Variants in DNAAF11 observed in about 807,000 individuals in gnomAD.
DNAAF11 encodes dynein axonemal assembly factor 11, also known as leucine rich repeat containing 6.
A neutral mutation model predicts 60.8 loss-of-function variants in DNAAF11; 45 were observed. The observed-to-expected ratio is 0.74, with a 90% CI of 0.58 to 0.95. The LOEUF (loss-of-function observed/expected upper bound fraction) is 0.95, where lower values mean the gene tolerates loss of function less well. DNAAF11 is among the 40% of genes least tolerant of loss of function. The pLI is 0.00. For synonymous variants in DNAAF11, 191 were observed against 183.5 expected, an observed-to-expected ratio of 1.04 and a Z score of -0.33; for missense variants, 546 against 546.2, an observed-to-expected ratio of 1.00 and a Z score of 0.00.
At chr8:132,687,982 A>G in the DNAAF11 span, among the ~76,000 whole-genome samples, 2 of 152,220 alleles carry the variant, frequency 1.3e-5, no homozygotes, top group Non-Finnish European at 2.9e-5. Flanking sequence ...CAATGAAGCA[A>G]TATAAAAATT....
chr8:132,654,149 T>A (rs187774135), intron 3 of DNAAF11, among the ~76,000 whole-genome samples: 2 of 152,120 alleles, frequency 1.3e-5, no homozygotes, highest in African/African-American at 4.8e-5. Context: ...CAAAATAGAC[T>A]TTAAGGCAAA....
chr8:132,693,100 G>T, the DNAAF11 span, among the ~76,000 whole-genome samples: 5 of 152,178 alleles, frequency 3.3e-5, 1 homozygote, highest in Non-Finnish European at 4.4e-5. Flanking sequence ...GCAGGTGGCT[G>T]CAGCAGCAGG....
In DNAAF11 at chr8:132,660,606, T is replaced by C. The variant is rs546615280; in HGVS notation, c.178+854A>G. Among the ~76,000 whole-genome samples the C allele has an allele frequency of 1.2e-4, 19 of 152,328 alleles. 1 individual carries two copies. The South Asian group carries it at 3.9e-3, about 32-fold the overall frequency. ...ACAGGCCTCCCTTCCCTCTTCCCTT[T>C]AATTCATCATTCTTCTGTGAGAGAA... On this transcript the variant is annotated intron_variant, in intron 2 of 11. Coordinates refer to ENST00000620350, the MANE Select transcript of DNAAF11 (RefSeq NM_012472.6).
At chr8:132,617,007 G>C (rs755766831) in intron 7 of DNAAF11, among the ~76,000 whole-genome samples, 1 of 152,180 alleles carries the variant, frequency 6.6e-6, no homozygotes, top group African/African-American at 2.4e-5. Flanking sequence ...GGAAAGGTAC[G>C]GTATATCTTG....
rs749093117 is a variant in DNAAF11, at chr8:132,675,468, G to C, written c.10+16C>G. On this transcript the variant is annotated intron_variant, in intron 1 of 11. Transcript: ENST00000620350. ...CAAGGGGAACGATCGAGGACGGAAG[G>C]TGGAGGGGGGCTTACTCCAGCCCAT... The C allele has an allele frequency of 3.2e-6, 5 of 1,564,388 alleles. No individual in the cohort carries two copies. Among genetic ancestry groups the C allele is most frequent in the Middle Eastern group, 1.7e-4 (1 of 5,878 alleles).
chr8:132,690,067 T>C, the DNAAF11 span, among the ~76,000 whole-genome samples: 77 of 152,352 alleles, frequency 5.1e-4, 1 homozygote, highest in East Asian at 0.014. Flanking sequence ...GTTACCTGCA[T>C]TATTTTTAAT....
intron 10 of DNAAF11, among the ~76,000 whole-genome samples, chr8:132,609,720 A>G (rs1365282054): frequency 6.6e-6 from 1 of 152,192 alleles, no homozygotes; most frequent in African/African-American, 2.4e-5. Flanking sequence ...GACAGAATTG[A>G]CACATCAGAA....
chr8:132,643,702 C>T (rs1024136536), intron 3 of DNAAF11: 1 of 456,108 alleles, frequency 2.2e-6, no homozygotes, highest in African/African-American at 2.0e-5. Flanking sequence ...ATAGGAATAT[C>T]AAGAAACAGC....
At chr8:132,639,580 T>C (rs1363782669) in intron 3 of DNAAF11, among the ~76,000 whole-genome samples, 1 of 152,212 alleles carries the variant, frequency 6.6e-6, no homozygotes, top group Non-Finnish European at 1.5e-5. Context: ...TTTCCTCAAT[T>C]CTGAAGGCTA....
At chr8:132,580,930 G>A (rs942900745) in intron 11 of DNAAF11, among the ~76,000 whole-genome samples, 8 of 152,198 alleles carry the variant, frequency 5.3e-5, no homozygotes, top group African/African-American at 1.9e-4. Context: ...TTTCCTACCA[G>A]TTATAAAACT....
chr8:132,668,666 T>C (rs180890649), intron 1 of DNAAF11, among the ~76,000 whole-genome samples: 550 of 152,064 alleles, frequency 3.6e-3, no homozygotes, highest in Non-Finnish European at 6.2e-3. Flanking sequence ...ATGGTCTCGA[T>C]CTCTTGACCT....
chr8:132,639,144 G>A (rs562370193), intron 3 of DNAAF11, among the ~76,000 whole-genome samples: 61 of 152,236 alleles, frequency 4.0e-4, no homozygotes, highest in Admixed American at 2.4e-3. Flanking sequence ...ATGACTTCTC[G>A]GACAATGTAC....
At chr8:132,687,743 C>T in the DNAAF11 span, 3 of 453,456 alleles carry the variant, frequency 6.6e-6, no homozygotes, top group Non-Finnish European at 1.3e-5. Flanking sequence ...ATCTGCCTGA[C>T]TCCAAAGCTC....
chr8:132,623,254 A>G (rs1819934133), intron 6 of DNAAF11, among the ~76,000 whole-genome samples: 1 of 152,176 alleles, frequency 6.6e-6, no homozygotes, highest in Non-Finnish European at 1.5e-5. Flanking sequence ...TTCATGCTAT[A>G]AAATATTTTG....
chr8:132,588,562 A>C (rs1424381172), intron 10 of DNAAF11, among the ~76,000 whole-genome samples: 2 of 149,058 alleles, frequency 1.3e-5, no homozygotes, highest in Admixed American at 1.3e-4. Flanking sequence ...AAGATATATA[A>C]ACAGTTAAAA....
At chr8:132,683,700 C>T in the DNAAF11 span, among the ~76,000 whole-genome samples, 2 of 152,154 alleles carry the variant, frequency 1.3e-5, no homozygotes, top group African/African-American at 4.8e-5. Flanking sequence ...AATCTTGCTG[C>T]TATTGATAGT....
At chr8:132,648,118 C>T (rs970189786) in intron 3 of DNAAF11, among the ~76,000 whole-genome samples, 2 of 152,176 alleles carry the variant, frequency 1.3e-5, no homozygotes, top group Non-Finnish European at 2.9e-5. Flanking sequence ...CAATAAAATA[C>T]TGGCAAACCG....
upstream of DNAAF11, chr8:132,675,625 CCG>C: frequency 1.1e-6 from 1 of 911,646 alleles, no homozygotes; most frequent in African/African-American, 1.7e-5. Context: ...TCTACGGCGG[CCG>C]CGCGGGACCA....
chr8:132,664,900 G>C (rs1342037253), intron 1 of DNAAF11, among the ~76,000 whole-genome samples: 1 of 152,146 alleles, frequency 6.6e-6, no homozygotes, highest in East Asian at 1.9e-4. Flanking sequence ...TGAGAATTAA[G>C]ATGAGAAAAA....
Sources: gnomAD v4.1 joint callset for allele counts (sites outside exome capture counted in the v4.1 genomes callset) on GRCh38, gnomAD v4.1.1 for gene constraint, MANE v1.5 for transcripts, NCBI Gene and HGNC (gene_info 2026-07-23, HGNC 2026-07-21) for gene names.